The following GPSM2 variants were observed in gnomAD, a reference collection of about 807,000 sequenced individuals.
GPSM2 encodes the protein G protein signaling modulator 2.
A neutral mutation model predicts 78.4 loss-of-function variants in GPSM2; 58 were observed. The observed-to-expected ratio is 0.74, with a 90% CI of 0.60 to 0.92. The LOEUF (loss-of-function observed/expected upper bound fraction) is 0.92. GPSM2 is among the 40% of genes least tolerant of loss of function. The pLI is 0.00. For missense variants in GPSM2, 700 were observed against 815.5 expected, an observed-to-expected ratio of 0.86 and a Z score of 1.73; for synonymous variants, 224 against 280.2, an observed-to-expected ratio of 0.80 and a Z score of 2.00.
chr1:108,908,227 C>T (rs1649402753), intron 10 of GPSM2, among the ~76,000 whole-genome samples: 1 of 151,454 alleles, frequency 6.6e-6, no homozygotes. Flanking sequence ...AAAAATTAGC[C>T]AGGCGTGGTG....
chr1:108,883,681 GCT>G (rs1647282159), intron 1 of GPSM2, among the ~76,000 whole-genome samples: 1 of 152,002 alleles, frequency 6.6e-6, no homozygotes, highest in African/African-American at 2.4e-5. Context: ...ATATGCTGTA[GCT>G]CTCTCTAATG....
intron 5 of GPSM2, 133 bp downstream of exon 5, chr1:108,898,234 C>G: frequency 1.2e-6 from 1 of 856,946 alleles, no homozygotes; most frequent in Non-Finnish European, 1.9e-6. Flanking sequence ...ATCATCAATT[C>G]AGTTGCTTAA....
intron 11 of GPSM2, among the ~76,000 whole-genome samples, chr1:108,915,109 G>C (rs186341162): frequency 1.4e-4 from 21 of 151,812 alleles, no homozygotes; most frequent in Admixed American, 3.9e-4. Context: ...ACGGTGGCTC[G>C]CGCCTGTAAT....
At chr1:108,879,808 C>G (rs184097697) in intron 1 of GPSM2, among the ~76,000 whole-genome samples, 42 of 152,130 alleles carry the variant, frequency 2.8e-4, no homozygotes, top group Admixed American at 2.4e-3. Flanking sequence ...GATCAAGACT[C>G]CATCTCAAAA....
chr1:108,902,191 G>A (rs1171758742), intron 8 of GPSM2, among the ~76,000 whole-genome samples: 1 of 152,050 alleles, frequency 6.6e-6, no homozygotes, highest in Non-Finnish European at 1.5e-5. Context: ...CTCTTCAGAA[G>A]TCTTCCTGGT....
chr1:108,908,087 A>G (rs560461652), intron 10 of GPSM2, among the ~76,000 whole-genome samples: 1 of 152,226 alleles, frequency 6.6e-6, no homozygotes, highest in Non-Finnish European at 1.5e-5. Context: ...ATACACATAC[A>G]GGGGCCGGGC....
intron 14 of GPSM2, chr1:108,924,453 A>G: frequency 1.8e-6 from 1 of 556,586 alleles, no homozygotes; most frequent in South Asian, 2.0e-5. Context: ...GTGTGTATAT[A>G]TATAGAGAGA....
chr1:108,929,080 C>T (rs1349204747), intron 14 of GPSM2, among the ~76,000 whole-genome samples: 1 of 151,902 alleles, frequency 6.6e-6, no homozygotes, highest in African/African-American at 2.4e-5. Context: ...TGTAAAAGGC[C>T]AGATAGAAAA....
chr1:108,908,847 T>A (rs1374507756), intron 10 of GPSM2, among the ~76,000 whole-genome samples: 2 of 148,328 alleles, frequency 1.3e-5, no homozygotes, highest in African/African-American at 5.0e-5. Flanking sequence ...CTCCAAAAAA[T>A]TTTTTAATTA....
chr1:108,931,348 GTAAC>G lies in GPSM2; in HGVS notation c.*1418_*1421del, dbSNP rs139385729. 4,577 of 1,550,828 alleles carry G rather than the reference GTAAC, an allele frequency of 3.0e-3. 56 individuals are homozygous for G. The African/African-American group carries it at 0.039, about 13-fold the overall frequency. ...CAGTTTACAAGGGGATGATAACAAA[GTAAC>G]TAACTAACTGTAGCAAAAGACAAGT... is the stretch of plus-strand genomic sequence containing the variant. On this transcript the variant is annotated 3_prime_UTR_variant, in exon 15 of 15. Transcript: ENST00000264126.
rs1652553711 is a variant in GPSM2 at position 108,934,492 on chromosome 1, T to C, written c.*4552T>C. 15 of 656,310 alleles carry C rather than the reference T, an allele frequency of 2.3e-5. No homozygotes were observed. Among genetic ancestry groups the C allele is most frequent in the Non-Finnish European group, 7.5e-6 (3 of 398,040 alleles). 40.7% of individuals were successfully genotyped at this position (656,310 alleles called of 1,614,324 possible). A position where few individuals can be genotyped will look rare whatever the true frequency, so the allele number is the denominator to read the frequency against. Reference sequence around the variant, plus strand: ...ATGAAATGAAAAGCTTTTACATATATAACGTGTTTGTTAATTCTAATTGTC... The same window carrying C: ...ATGAAATGAAAAGCTTTTACATATACAACGTGTTTGTTAATTCTAATTGTC... On this transcript the variant is annotated 3_prime_UTR_variant, in exon 15 of 15. Coordinates refer to ENST00000264126, the MANE Select transcript of GPSM2 (RefSeq NM_013296.5).
chr1:108,908,097 C>T (rs992629186), intron 10 of GPSM2, among the ~76,000 whole-genome samples: 4 of 152,208 alleles, frequency 2.6e-5, no homozygotes, highest in African/African-American at 4.8e-5. Context: ...AGGGGCCGGG[C>T]GCCATGGCTC....
At chr1:108,913,483 T>C (rs918146127) in intron 10 of GPSM2, among the ~76,000 whole-genome samples, 2 of 152,286 alleles carry the variant, frequency 1.3e-5, no homozygotes, top group African/African-American at 2.4e-5. Context: ...CTCACAAACA[T>C]AAGGTTTCTC....
At position 108,924,120 on chromosome 1, in the gene GPSM2, T is replaced by A. The variant is rs774844890; in HGVS notation, c.1721T>A (p.Leu574Gln). The change falls in exon 14 of 15, where the codon CTA (leucine) becomes CAA (glutamine). Residue 574 changes from leucine to glutamine, a missense_variant. Coordinates refer to ENST00000264126, the MANE Select transcript of GPSM2 (RefSeq NM_013296.5). Reference protein sequence around the residue: ...ASFSNLPGLRLTQNSQSVLSH... With the variant: ...ASFSNLPGLRQTQNSQSVLSH... ...TTCAGTAATTTGCCAGGGCTTCGTC[T>A]AACACAAAACAGCCAGTCGGTACTT... The A allele has an allele frequency of 6.2e-7, 1 of 1,613,842 alleles. No individual in the cohort carries two copies. Among genetic ancestry groups the A allele is most frequent in the Non-Finnish European group, 8.5e-7 (1 of 1,179,728 alleles).
chr1:108,913,234 A>C (rs1649904168), intron 10 of GPSM2, among the ~76,000 whole-genome samples: 1 of 152,194 alleles, frequency 6.6e-6, no homozygotes. Flanking sequence ...ACTAGAAGAA[A>C]TGCTTGTTCA....
rs191392124 is a variant in GPSM2, at chr1:108,894,479, C to T, written c.57-2385C>T. Among the ~76,000 whole-genome samples, 5 of 152,296 alleles carry T rather than the reference C, an allele frequency of 3.3e-5. No homozygotes were observed. The East Asian group carries it at 5.8e-4, about 18-fold the overall frequency. On this transcript the variant is annotated intron_variant, in intron 2 of 14. Coordinates refer to ENST00000264126, the MANE Select transcript of GPSM2 (RefSeq NM_013296.5). Reference sequence around the variant, plus strand: ...TTGGGAGGCCAAGATGGGTGGATTGCTTGAGGTCAGGAGATTGAGACCAGC... The same window carrying T: ...TTGGGAGGCCAAGATGGGTGGATTGTTTGAGGTCAGGAGATTGAGACCAGC...
intron 12 of GPSM2, among the ~76,000 whole-genome samples, chr1:108,921,189 G>A (rs1650683743): frequency 6.6e-6 from 1 of 152,166 alleles, no homozygotes; most frequent in Non-Finnish European, 1.5e-5. Context: ...GGAGGCCAAA[G>A]CAGACAGGTC....
chr1:108,905,487 A>C (rs1649154938), intron 10 of GPSM2, among the ~76,000 whole-genome samples: 1 of 152,144 alleles, frequency 6.6e-6, no homozygotes, highest in Non-Finnish European at 1.5e-5. Context: ...TTTTCTCAGC[A>C]ATATTTCCTA....
At chr1:108,912,809 T>C (rs1235694202) in intron 10 of GPSM2, among the ~76,000 whole-genome samples, 11 of 142,834 alleles carry the variant, frequency 7.7e-5, no homozygotes, top group Non-Finnish European at 1.5e-4. Flanking sequence ...ACTTTGGGAG[T>C]TGAGGTGGGC....
Sources: gnomAD v4.1 joint callset for allele counts (sites outside exome capture counted in the v4.1 genomes callset) on GRCh38, gnomAD v4.1.1 for gene constraint, MANE v1.5 for transcripts, NCBI Gene and HGNC (gene_info 2026-07-23, HGNC 2026-07-21) for gene names.